The following ADD2 variants were observed in gnomAD, a reference collection of about 807,000 sequenced individuals.
The protein encoded by ADD2 is adducin 2.
ADD2 carries 23 observed loss-of-function variants against 83.0 expected under a neutral mutation model. The observed-to-expected ratio is 0.28, with a 90% CI of 0.20 to 0.39. The LOEUF (loss-of-function observed/expected upper bound fraction) is 0.39. Among genes scored for constraint, ADD2 ranks in the 10% least tolerant of loss-of-function variants. The pLI, the probability that ADD2 is intolerant of heterozygous loss-of-function variation, is 1.00. For missense variants in ADD2, 758 were observed against 944.9 expected (o/e 0.80, Z 2.59); for synonymous variants, 375 against 375.4 (o/e 1.00, Z 0.01).
chr2:70,732,129 C>A (rs1233002199), intron 1 of ADD2, among the ~76,000 whole-genome samples: 1 of 152,122 alleles, frequency 6.6e-6, no homozygotes, highest in African/African-American at 2.4e-5. Context: ...AGGGGAGAAC[C>A]CAGGCATGAT....
At chr2:70,703,949 C>T (rs1343293560) in intron 4 of ADD2, among the ~76,000 whole-genome samples, 7 of 151,870 alleles carry the variant, frequency 4.6e-5, no homozygotes, top group Non-Finnish European at 8.8e-5. Context: ...CAGAGCATAA[C>T]AGCCCAGGAG....
chr2:70,673,082 A>G (rs977818412), intron 14 of ADD2, 76 bp from the exon 15 acceptor site: 1 of 1,565,280 alleles, frequency 6.4e-7, no homozygotes, highest in Non-Finnish European at 8.7e-7. Flanking sequence ...GCCTTTTAAA[A>G]ATTACTTTTT....
At chr2:70,668,958 T>C (rs1669789740) in intron 15 of ADD2, among the ~76,000 whole-genome samples, 1 of 152,240 alleles carries the variant, frequency 6.6e-6, no homozygotes, top group Non-Finnish European at 1.5e-5. Context: ...AACTGGTCAC[T>C]GCCATGTACA....
In ADD2 at chr2:70,713,169, A is replaced by G; in HGVS notation, c.-138T>C. 4.1e-6 allele frequency: 4 copies of G among 985,482 alleles called. No homozygotes were observed. The highest frequency in any genetic ancestry group is 5.2e-4 in the Middle Eastern group (1 of 1,914). 61.0% of individuals were successfully genotyped at this position (985,482 alleles called of 1,614,324 possible). On this transcript the variant is annotated 5_prime_UTR_variant, in exon 2 of 16. Coordinates refer to ENST00000264436, the MANE Select transcript of ADD2 (RefSeq NM_001617.4). ...TGCCGGCCACATCTACACAACCTCA[A>G]ACATCCAGGTGGAAACTGCAAAACA...
Position 70,767,867 on chromosome 2 carries a change from C to T in ADD2, c.-154+19G>A. The stretch of plus-strand genomic sequence containing the variant: ...AGCGACCCCAGGCAGCCCACCAGGC[C>T]CGCTCCCCAGACCCTTACCTCCTGC... On this transcript the variant is annotated intron_variant, in intron 1 of 15. Transcript: ENST00000264436. The T allele has an allele frequency of 6.5e-7, 1 of 1,535,726 alleles. No homozygotes were observed. Among genetic ancestry groups the T allele is most frequent in the Non-Finnish European group, 8.7e-7 (1 of 1,146,682 alleles).
chr2:70,659,993 CA>C lies in ADD2; in HGVS notation c.*3431del, dbSNP rs1675486512. 6.6e-6 allele frequency: 1 copy of C among 152,230 alleles called. No homozygotes were observed. The highest frequency in any genetic ancestry group is 1.5e-5 in the Non-Finnish European group (1 of 68,034). 9.4% of individuals were successfully genotyped at this position (152,230 alleles called of 1,614,324 possible). A position where few individuals can be genotyped will look rare whatever the true frequency, so the allele number is the denominator to read the frequency against. On this transcript the variant is annotated 3_prime_UTR_variant, in exon 16 of 16. Coordinates refer to ENST00000264436, the MANE Select transcript of ADD2 (RefSeq NM_001617.4). ...AACCAGACATGAACCTACTGCCCACCAAATCTGAGCTCTTGAATACACATTT... is the reference window on the plus strand; with the variant it reads ...AACCAGACATGAACCTACTGCCCACCAATCTGAGCTCTTGAATACACATTT...
Position 70,706,306 on chromosome 2 carries a change from G to T in ADD2, c.103C>A (p.Arg35Ser). Residue 35 changes from arginine to serine, a missense_variant, in exon 3 of 16, where the codon CGC (arginine) becomes AGC (serine). Physicochemically the swap from Arg to Ser is moderately radical, Grantham distance 110. Coordinates refer to ENST00000264436, the MANE Select transcript of ADD2 (RefSeq NM_001617.4). The surrounding 1 kb of genome is among the most constrained non-coding windows in gnomAD (Gnocchi z 5.0). The part of the protein sequence containing the change: ...SEDDPEYMRL[R>S]NRAADLRQDF... ...TGCCGCAGGTCCGCCGCCCGGTTGCGAAGGCGCATGTACTCGGGGTCGTCC... is the reference window on the plus strand; with the variant it reads ...TGCCGCAGGTCCGCCGCCCGGTTGCTAAGGCGCATGTACTCGGGGTCGTCC... 1 of 1,614,116 alleles carries T rather than the reference G, an allele frequency of 6.2e-7. No individual in the cohort carries two copies. Among genetic ancestry groups the T allele is most frequent in the Non-Finnish European group, 8.5e-7 (1 of 1,180,012 alleles).
chr2:70,676,783 G>T lies in ADD2; in HGVS notation c.1593+13C>A. The T allele has an allele frequency of 6.2e-7, 1 of 1,614,204 alleles. No homozygotes were observed. The highest frequency in any genetic ancestry group is 8.5e-7 in the Non-Finnish European group (1 of 1,180,010). ...CACGTTTCCCCGCCAGTCAGGGGCA[G>T]CCTCTGCTCTACCGGGCTTCGGCTC... is the stretch of plus-strand genomic sequence containing the variant. On this transcript the variant is annotated intron_variant, in intron 13 of 15. Transcript: ENST00000264436. The surrounding 1 kb of genome is among the most constrained non-coding windows in gnomAD (Gnocchi z 4.8).
chr2:70,707,488 C>G (rs1671963280), intron 2 of ADD2, among the ~76,000 whole-genome samples: 1 of 152,252 alleles, frequency 6.6e-6, no homozygotes, highest in Non-Finnish European at 1.5e-5. Context: ...GAAATGTTTT[C>G]TGTTGCTATC....
At chr2:70,764,878 G>A (rs555276501) in intron 1 of ADD2, among the ~76,000 whole-genome samples, 15 of 152,074 alleles carry the variant, frequency 9.9e-5, no homozygotes, top group South Asian at 4.1e-4. Context: ...TTCAAAATAC[G>A]TATATCTTCA....
chr2:70,663,273 A>C lies in ADD2; in HGVS notation c.*152T>G. On this transcript the variant is annotated 3_prime_UTR_variant, in exon 16 of 16. Transcript: ENST00000264436. ...TTTCTCTTGGGCAACTGTAAAACGA[A>C]GGGTTGGTCGGGTGATCTCTAAGTT... is the stretch of plus-strand genomic sequence containing the variant. 1 of 873,236 alleles carries C rather than the reference A, an allele frequency of 1.1e-6. No homozygotes were observed. The highest frequency in any genetic ancestry group is 1.8e-6 in the Non-Finnish European group (1 of 571,022). 54.1% of individuals were successfully genotyped at this position (873,236 alleles called of 1,614,324 possible).
At chr2:70,668,732 C>A (rs1669782418) in intron 15 of ADD2, among the ~76,000 whole-genome samples, 1 of 152,166 alleles carries the variant, frequency 6.6e-6, no homozygotes, top group African/African-American at 2.4e-5. Flanking sequence ...ATGGACCTTG[C>A]ATAATTGAAG....
At chr2:70,757,295 G>T (rs1231425751) in intron 1 of ADD2, among the ~76,000 whole-genome samples, 2 of 151,800 alleles carry the variant, frequency 1.3e-5, no homozygotes, top group Admixed American at 6.6e-5. Context: ...TTGTGGGGGG[G>T]GGGGATTTGT....
intron 4 of ADD2, 58 bp downstream of exon 4, chr2:70,704,263 T>TGGCCCCCCCCCCCCCCCCCACCCCCCCCC: frequency 1.1e-6 from 1 of 913,238 alleles, no homozygotes; most frequent in Middle Eastern, 2.9e-4. Flanking sequence ...CTCCCTCTCT[T>TGGCCCCCCCCCCCCCCCCCACCCCCCCCC]CCCCACCCCA....
In ADD2 at chr2:70,706,099, T is replaced by A. The variant is rs1671871019; in HGVS notation, c.183+127A>T. 3 of 986,346 alleles carry A rather than the reference T, an allele frequency of 3.0e-6. No homozygotes were observed. In the African/African-American group the frequency reaches 4.9e-5, roughly 16 times the overall value. The allele number at this position is 986,346 out of a possible 1,614,324, so 61.1% of individuals were successfully genotyped here. On this transcript the variant is annotated intron_variant, in intron 3 of 15. Transcript: ENST00000264436. The surrounding 1 kb of genome is among the most constrained non-coding windows in gnomAD (Gnocchi z 5.0). ...CCCCAGGTGACCAGATCCGTCTTGC[T>A]CAGTGGGCTTACATTTCTACTGACC...
chr2:70,709,920 T>G (rs1672091284), intron 2 of ADD2, among the ~76,000 whole-genome samples: 1 of 152,022 alleles, frequency 6.6e-6, no homozygotes, highest in Non-Finnish European at 1.5e-5. Context: ...GATGACAAAG[T>G]CAAACATAAT....
intron 3 of ADD2, among the ~76,000 whole-genome samples, chr2:70,705,020 AC>A (rs1430317719): frequency 2.6e-5 from 4 of 152,142 alleles, no homozygotes; most frequent in Non-Finnish European, 5.9e-5. Context: ...GCAGGAGAAA[AC>A]ACTCAGGAGG....
At chr2:70,699,231 T>A (rs1671461895) in intron 4 of ADD2, among the ~76,000 whole-genome samples, 1 of 152,006 alleles carries the variant, frequency 6.6e-6, no homozygotes. Flanking sequence ...AGAAGAAACA[T>A]TTTCTGAACT....
At chr2:70,734,474 G>C (rs1673427090) in intron 1 of ADD2, among the ~76,000 whole-genome samples, 1 of 152,134 alleles carries the variant, frequency 6.6e-6, no homozygotes, top group Non-Finnish European at 1.5e-5. Flanking sequence ...GGGGTAAAAG[G>C]CCTTGGTAAA....
Sources: gnomAD v4.1 joint callset for allele counts (sites outside exome capture counted in the v4.1 genomes callset) on GRCh38, gnomAD v4.1.1 for gene constraint, Gnocchi (gnomAD v3.1) non-coding constraint, MANE v1.5 for transcripts, NCBI Gene and HGNC (gene_info 2026-07-23, HGNC 2026-07-21) for gene names.